UCP3: variants seen among roughly 807,000 people sequenced by gnomAD.
UCP3 encodes uncoupling protein 3.
UCP3 carries 24 observed loss-of-function variants against 28.1 expected under a neutral mutation model. The observed-to-expected ratio is 0.85, with a 90% CI of 0.62 to 1.20. The LOEUF is 1.20. UCP3 is among the 50% of genes most tolerant of loss of function. The pLI is 0.00. For synonymous variants in UCP3, 184 were observed against 171.2 expected (o/e 1.07, Z -0.59); for missense variants, 397 against 422.2 (o/e 0.94, Z 0.52).
At chr11:74,007,997 T>C (rs1045442154) in intron 1 of UCP3, among the ~76,000 whole-genome samples, 4 of 152,222 alleles carry the variant, frequency 2.6e-5, no homozygotes, top group African/African-American at 7.2e-5. Context: ...CTAGTCAGCA[T>C]GGTCCATTAA....
At position 74,000,915 on chromosome 11, in the gene UCP3, G is replaced by A; in HGVS notation, c.*497C>T. On this transcript the variant is annotated 3_prime_UTR_variant, in exon 7 of 7. Transcript: ENST00000314032. ...CTCTGTGGCAGACATATTACAAATA[G>A]GCTGATGATGCATGTGTGATGGTGC... The A allele has an allele frequency of 6.1e-6, 1 of 165,168 alleles. No homozygotes were observed. Among genetic ancestry groups the A allele is most frequent in the Admixed American group, 6.1e-5 (1 of 16,468 alleles). 10.2% of individuals were successfully genotyped at this position (165,168 alleles called of 1,614,324 possible). A position where few individuals can be genotyped will look rare whatever the true frequency, so the allele number is the denominator to read the frequency against.
intron 1 of UCP3, 176 bp from the exon 2 acceptor site, chr11:74,007,313 C>G (rs536246620): frequency 2.1e-6 from 1 of 465,794 alleles, no homozygotes; most frequent in East Asian, 4.2e-5. Context: ...ATTTTGCAAT[C>G]CTCCTCCTGA....
At position 74,000,974 on chromosome 11, in the gene UCP3, C is replaced by T. The variant is rs187060822; in HGVS notation, c.*438G>A. On this transcript the variant is annotated 3_prime_UTR_variant, in exon 7 of 7. Transcript: ENST00000314032. The stretch of plus-strand genomic sequence containing the variant: ...TCGCCAGCTCTGTGTTGCTGGGTGG[C>T]ATCCCTCCAGGCTCCGTGGCTGATC... 1.2e-4 allele frequency: 25 copies of T among 210,900 alleles called. No individual in the cohort carries two copies. The highest frequency in any genetic ancestry group is 3.8e-3 in the Middle Eastern group (2 of 526). The allele number at this position is 210,900 out of a possible 1,614,324, so 13.1% of individuals were successfully genotyped here. A position where few individuals can be genotyped will look rare whatever the true frequency, so the allele number is the denominator to read the frequency against.
At chr11:74,007,464 T>C (rs1951676139) in intron 1 of UCP3, among the ~76,000 whole-genome samples, 1 of 151,686 alleles carries the variant, frequency 6.6e-6, no homozygotes. Flanking sequence ...AGGGTCTCAC[T>C]CTGTTACCTG....
rs764983743 is a variant in UCP3 at position 74,006,221 on chromosome 11, G to A, written c.285C>T (p.Arg95=). Residue 95 remains arginine (R), a synonymous_variant, in exon 3 of 7, where the codon CGC becomes CGT. Coordinates refer to ENST00000314032, the MANE Select transcript of UCP3 (RefSeq NM_003356.4). ...GCTTGACGGAGTCATAGAGGCCGAT[G>A]CGGATGGAGGCGAAGCTCATCTGGC... ...LQRQMSFASI[R]IGLYDSVKQV... 7 of 1,614,170 alleles carry A rather than the reference G, an allele frequency of 4.3e-6. No homozygotes were observed. The highest frequency in any genetic ancestry group is 1.6e-4 in the Middle Eastern group (1 of 6,062).
chr11:74,002,859 C>CA (rs1402718708), intron 6 of UCP3: 1 of 985,244 alleles, frequency 1.0e-6, no homozygotes, highest in Admixed American at 6.1e-5. Context: ...CACTGGGCAC[C>CA]AAAAAACTCT....
chr11:74,001,302 A>T lies in UCP3; in HGVS notation c.*110T>A. The stretch of plus-strand genomic sequence containing the variant: ...CTTGAATCAGCAACAAGTAAACAAC[A>T]GTTCTGTAAACATGTGTGGGTCTGT... On this transcript the variant is annotated 3_prime_UTR_variant, in exon 7 of 7. Transcript: ENST00000314032. 1 of 1,018,692 alleles carries T rather than the reference A, an allele frequency of 9.8e-7. No individual in the cohort carries two copies. Among genetic ancestry groups the T allele is most frequent in the Non-Finnish European group, 1.5e-6 (1 of 669,754 alleles). 63.1% of individuals were successfully genotyped at this position (1,018,692 alleles called of 1,614,324 possible).
At chr11:74,007,341 T>G (rs1951675074) in intron 1 of UCP3, 4 of 407,970 alleles carry the variant, frequency 9.8e-6, no homozygotes, top group South Asian at 9.4e-5. Context: ...CCTCCCCTCC[T>G]TACCAGGGGT....
chr11:74,004,598 C>A lies in UCP3; in HGVS notation c.542-13G>T. 1 of 1,592,700 alleles carries A rather than the reference C, an allele frequency of 6.3e-7. No individual in the cohort carries two copies. The highest frequency in any genetic ancestry group is 1.7e-5 in the Admixed American group (1 of 59,624). On this transcript the variant is annotated splice_polypyrimidine_tract_variant and intron_variant, in intron 4 of 6. Transcript: ENST00000314032. ...TTGGGCAAAGTTCCTGTTAGGAAGGCGGTGGGGAGGGATGTGAAATGGGTG... is the reference window on the plus strand; with the variant it reads ...TTGGGCAAAGTTCCTGTTAGGAAGGAGGTGGGGAGGGATGTGAAATGGGTG...
rs1239322852 is a variant in UCP3, at chr11:74,000,442, G to GT, written c.*969_*970insA. 3 of 152,274 alleles carry GT rather than the reference G, an allele frequency of 2.0e-5. No individual in the cohort carries two copies. Among genetic ancestry groups the GT allele is most frequent in the Admixed American group, 6.6e-5 (1 of 15,234 alleles). 9.4% of individuals were successfully genotyped at this position (152,274 alleles called of 1,614,324 possible). A position where few individuals can be genotyped will look rare whatever the true frequency, so the allele number is the denominator to read the frequency against. ...TACTCATGATTGAGCACGTGGTGGGGGGGGTGGGGAAGAGGCTGCATGGGG... is the reference window on the plus strand; with the variant it reads ...TACTCATGATTGAGCACGTGGTGGGGTGGGGTGGGGAAGAGGCTGCATGGGG... On this transcript the variant is annotated 3_prime_UTR_variant, in exon 7 of 7. Transcript: ENST00000314032.
At chr11:74,004,916 A>G (rs1285429676) in intron 4 of UCP3, among the ~76,000 whole-genome samples, 3 of 152,222 alleles carry the variant, frequency 2.0e-5, no homozygotes, top group Admixed American at 2.0e-4. Context: ...GCAGCCAGAA[A>G]AGAAAGTCAT....
intron 5 of UCP3, among the ~76,000 whole-genome samples, chr11:74,004,230 G>A (rs1266965443): frequency 6.6e-6 from 1 of 152,300 alleles, no homozygotes; most frequent in East Asian, 1.9e-4. Context: ...AACTGAAGTC[G>A]GAGAAGGTGA....
intron 4 of UCP3, among the ~76,000 whole-genome samples, chr11:74,004,873 C>G (rs1951649733): frequency 6.6e-6 from 1 of 152,178 alleles, no homozygotes; most frequent in Admixed American, 6.5e-5. Context: ...CAATAGCTGT[C>G]AAAATTAAAA....
chr11:74,008,458 C>T lies in UCP3; in HGVS notation c.-96+520G>A, dbSNP rs1951682678. ...CCTCCCCAACTCCAACCCACCCTCCCGGCAAAGCCTTCACAGCAGCCCACT... is the reference window on the plus strand; with the variant it reads ...CCTCCCCAACTCCAACCCACCCTCCTGGCAAAGCCTTCACAGCAGCCCACT... On this transcript the variant is annotated intron_variant, in intron 1 of 6. Coordinates refer to ENST00000314032, the MANE Select transcript of UCP3 (RefSeq NM_003356.4). Among the ~76,000 whole-genome samples the T allele has an allele frequency of 2.6e-5, 4 of 152,134 alleles. No individual in the cohort carries two copies. In the South Asian group the frequency reaches 6.2e-4, roughly 24 times the overall value.
Position 74,006,195 on chromosome 11 carries a change from T to A in UCP3, c.311A>T (p.Gln104Leu), listed in dbSNP as rs757046125. 1.9e-6 allele frequency: 3 copies of A among 1,614,054 alleles called. No homozygotes were observed. In the East Asian group the frequency reaches 6.7e-5, roughly 36 times the overall value. ...IRIGLYDSVKQVYTPKGADNS... is the reference protein window; with the variant it reads ...IRIGLYDSVKLVYTPKGADNS... ...GTCCGCGCCTTTGGGGGTGTACACCTGCTTGACGGAGTCATAGAGGCCGAT... is the reference window on the plus strand; with the variant it reads ...GTCCGCGCCTTTGGGGGTGTACACCAGCTTGACGGAGTCATAGAGGCCGAT... The change falls in exon 3 of 7, where the codon CAG (glutamine) becomes CTG (leucine). Residue 104 changes from glutamine (Q) to leucine (L), a missense_variant. Gln to Leu is a moderately radical substitution (Grantham distance 113). Transcript: ENST00000314032.
Position 74,004,580 on chromosome 11 carries a change from A to G in UCP3, c.547T>C (p.Leu183=). The change falls in exon 5 of 7, where the codon TTG becomes CTG. Residue 183 remains leucine (L), a synonymous_variant. Coordinates refer to ENST00000314032, the MANE Select transcript of UCP3 (RefSeq NM_003356.4). ...EGVRGLWKGT[L]PNIMRNAIVN... ...ATAGCATTCCTCATGATGTTGGGCA[A>G]AGTTCCTGTTAGGAAGGCGGTGGGG... 1 of 1,613,648 alleles carries G rather than the reference A, an allele frequency of 6.2e-7. No homozygotes were observed.
At chr11:74,006,832 A>AT in intron 2 of UCP3, 85 bp downstream of exon 2, 1 of 1,604,650 alleles carries the variant, frequency 6.2e-7, no homozygotes, top group Admixed American at 1.7e-5. Context: ...GAGGAAGGGC[A>AT]TGTGGGCACA....
chr11:74,006,059 G>C (rs1951662888), intron 3 of UCP3, 110 bp downstream of exon 3: 1 of 1,561,030 alleles, frequency 6.4e-7, no homozygotes, highest in Non-Finnish European at 8.7e-7. Flanking sequence ...TAAGCGTCCG[G>C]TACCAGCTTC....
At chr11:74,008,512 G>A (rs1951682986) in intron 1 of UCP3, among the ~76,000 whole-genome samples, 1 of 152,148 alleles carries the variant, frequency 6.6e-6, no homozygotes, top group East Asian at 1.9e-4. Context: ...GAGACCATGG[G>A]CTCTGTAAAG....
Sources: allele counts gnomAD v4.1 joint callset (sites outside exome capture counted in the v4.1 genomes callset), GRCh38; gene constraint gnomAD v4.1.1; transcripts MANE v1.5; gene names NCBI Gene and HGNC (gene_info 2026-07-23, HGNC 2026-07-21).